The following PRMT8 variants were observed in gnomAD, a reference collection of about 807,000 sequenced individuals.
The protein encoded by PRMT8 is protein arginine methyltransferase 8.
PRMT8 carries 7 observed loss-of-function variants against 47.1 expected under a neutral mutation model. The observed-to-expected ratio is 0.15, with a 90% CI of 0.08 to 0.28. The LOEUF is 0.28. Among genes scored for constraint, PRMT8 ranks in the 10% least tolerant of loss-of-function variants. The pLI is 1.00. For missense variants in PRMT8, 237 were observed against 505.4 expected (o/e 0.47, Z 5.09); for synonymous variants, 188 against 186.5 (o/e 1.01, Z -0.07).
Position 3,566,305 on chromosome 12 carries a change from C to T in PRMT8, c.482-2401C>T, listed in dbSNP as rs563900520. On this transcript the variant is annotated intron_variant, in intron 4 of 9. Coordinates refer to ENST00000382622, the MANE Select transcript of PRMT8 (RefSeq NM_019854.5). The surrounding 1 kb of genome is among the most constrained non-coding windows in gnomAD (Gnocchi z 4.7). ...TTCTTAGTGCACCCTGGGCCCTGCT[C>T]TCAGTTGAGTTCCTGCCCTGGGGTC... 6.6e-6 allele frequency among the ~76,000 whole-genome samples: 1 copy of T among 152,212 alleles called. No homozygotes were observed. The highest frequency in any genetic ancestry group is 1.5e-5 in the Non-Finnish European group (1 of 68,046).
chr12:3,439,675 CTGT>C (rs924243048), intron 1 of PRMT8, among the ~76,000 whole-genome samples: 3 of 152,092 alleles, frequency 2.0e-5, no homozygotes, highest in Non-Finnish European at 4.4e-5. Flanking sequence ...ACAGCAACTG[CTGT>C]TGTTACTATT....
chr12:3,400,373 A>G (rs1277769663), intron 1 of PRMT8, among the ~76,000 whole-genome samples: 1 of 152,228 alleles, frequency 6.6e-6, no homozygotes, highest in Non-Finnish European at 1.5e-5. Context: ...ATCAGAAAAT[A>G]TAAATACCTC....
At chr12:3,485,780 G>C (rs1865317287) in intron 1 of PRMT8, among the ~76,000 whole-genome samples, 2 of 152,042 alleles carry the variant, frequency 1.3e-5, no homozygotes. Flanking sequence ...ATTTGCATGA[G>C]CAAAAAATAG....
chr12:3,419,545 G>A (rs565415532), intron 1 of PRMT8, among the ~76,000 whole-genome samples: 3 of 151,492 alleles, frequency 2.0e-5, no homozygotes, highest in Non-Finnish European at 4.4e-5. Context: ...TTGCCCCCTC[G>A]CCACCCACCC....
intron 1 of PRMT8, among the ~76,000 whole-genome samples, chr12:3,478,767 C>G (rs955718085): frequency 1.3e-5 from 2 of 152,246 alleles, no homozygotes; most frequent in Non-Finnish European, 2.9e-5. Context: ...TATCAATCCT[C>G]AGGGAATCTG....
Position 3,461,078 on chromosome 12 carries a change from C to T in PRMT8, c.49-79528C>T, listed in dbSNP as rs368097142. On this transcript the variant is annotated intron_variant, in intron 1 of 9. Transcript: ENST00000452611. ...GGCAGTTTTCAGGCTCATATAAACA[C>T]CCACTCAGCTGTTTATTTATTCATC... Among the ~76,000 whole-genome samples the T allele has an allele frequency of 4.3e-4, 66 of 152,252 alleles. No homozygotes were observed. In the South Asian group the frequency reaches 0.013, roughly 30 times the overall value.
intron 1 of PRMT8, among the ~76,000 whole-genome samples, chr12:3,498,963 G>C (rs547791663): frequency 8.5e-5 from 13 of 152,116 alleles, no homozygotes; most frequent in African/African-American, 3.1e-4. Context: ...CTGGTTTCCC[G>C]TGGTGGCCAA....
intron 7 of PRMT8, among the ~76,000 whole-genome samples, chr12:3,579,631 C>T (rs1344786923): frequency 1.3e-5 from 2 of 152,148 alleles, no homozygotes; most frequent in African/African-American, 2.4e-5. Flanking sequence ...AGAGCCCTTC[C>T]GCCAGCTCTC....
chr12:3,506,176 G>A (rs1182923508), intron 1 of PRMT8, among the ~76,000 whole-genome samples: 1 of 152,158 alleles, frequency 6.6e-6, no homozygotes, highest in Non-Finnish European at 1.5e-5. Flanking sequence ...CTGTGTGTGG[G>A]ATTCATCCTC....
intron 1 of PRMT8, among the ~76,000 whole-genome samples, chr12:3,481,458 G>A (rs1325875821): frequency 4.6e-5 from 7 of 152,178 alleles, no homozygotes; most frequent in African/African-American, 1.2e-4. Flanking sequence ...CTGAAAGGGC[G>A]CTTCTCCAGG....
intron 6 of PRMT8, among the ~76,000 whole-genome samples, chr12:3,571,469 A>G (rs1026422480): frequency 1.3e-5 from 2 of 152,236 alleles, no homozygotes; most frequent in Admixed American, 6.5e-5. Flanking sequence ...CATGGTTTCC[A>G]CAACAAAGAT....
intron 1 of PRMT8, among the ~76,000 whole-genome samples, chr12:3,528,786 T>G: frequency 6.6e-6 from 1 of 152,362 alleles, no homozygotes; most frequent in South Asian, 2.1e-4. Flanking sequence ...CTTCTAAGCT[T>G]TGTTTTGAGA....
intron 1 of PRMT8, among the ~76,000 whole-genome samples, chr12:3,388,512 C>G (rs1245384940): frequency 6.6e-6 from 1 of 152,130 alleles, no homozygotes; most frequent in East Asian, 1.9e-4. Context: ...TGTGAATACC[C>G]CTCATCAGGT....
At chr12:3,450,769 T>G (rs1359877423) in intron 1 of PRMT8, among the ~76,000 whole-genome samples, 3 of 152,200 alleles carry the variant, frequency 2.0e-5, no homozygotes, top group Non-Finnish European at 2.9e-5. Flanking sequence ...TTTTAAAAAG[T>G]GTACTCCAAA....
intron 1 of PRMT8, among the ~76,000 whole-genome samples, chr12:3,413,012 G>A (rs537581163): frequency 2.8e-4 from 42 of 152,216 alleles, no homozygotes; most frequent in Admixed American, 8.5e-4. Context: ...TTACATTTTT[G>A]AGTTCTAAAC....
intron 2 of PRMT8, among the ~76,000 whole-genome samples, chr12:3,545,683 G>A (rs1273293746): frequency 6.6e-6 from 1 of 152,108 alleles, no homozygotes; most frequent in Admixed American, 6.5e-5. Flanking sequence ...GCCTCCCAAC[G>A]TGGTACCCAG....
intron 1 of PRMT8, among the ~76,000 whole-genome samples, chr12:3,464,121 A>G (rs1482446192): frequency 6.6e-6 from 1 of 152,194 alleles, no homozygotes; most frequent in East Asian, 1.9e-4. Flanking sequence ...AGCAATGTGA[A>G]CGGCACGTTA....
intron 1 of PRMT8, among the ~76,000 whole-genome samples, chr12:3,462,311 A>G (rs1348160657): frequency 6.6e-6 from 1 of 152,072 alleles, no homozygotes; most frequent in Non-Finnish European, 1.5e-5. Context: ...TCAATGACAA[A>G]TGGGATAAAG....
intron 1 of PRMT8, among the ~76,000 whole-genome samples, chr12:3,421,018 T>C (rs1456421648): frequency 6.6e-6 from 1 of 152,190 alleles, no homozygotes; most frequent in African/African-American, 2.4e-5. Context: ...GGCATTCCAC[T>C]GGGAGGAGAC....
Sources: gnomAD v4.1 joint callset for allele counts (sites outside exome capture counted in the v4.1 genomes callset) on GRCh38, gnomAD v4.1.1 for gene constraint, Gnocchi (gnomAD v3.1) non-coding constraint, MANE v1.5 for transcripts, NCBI Gene and HGNC (gene_info 2026-07-23, HGNC 2026-07-21) for gene names.